Variants in HSPA9 observed in about 807,000 individuals in gnomAD.
The protein encoded by HSPA9 is heat shock protein family A (Hsp70) member 9, also known as stress-70 protein, mitochondrial.
Under a neutral mutation model 81.5 loss-of-function variants are expected in HSPA9, and 28 were observed. That is an observed-to-expected ratio of 0.34 (90% confidence interval 0.25 to 0.47). The LOEUF is 0.47. Ranked by LOEUF, HSPA9 falls within the 20% of genes least tolerant of loss-of-function variation. The pLI, the probability that HSPA9 is intolerant of heterozygous loss-of-function variation, is 1.00. For synonymous variants in HSPA9, 293 were observed against 290.4 expected (o/e 1.01, Z -0.09); for missense variants, 678 against 838.0 (o/e 0.81, Z 2.36).
intron 1 of HSPA9, chr5:138,574,886 G>A (rs902817699): frequency 4.6e-5 from 17 of 370,272 alleles, no homozygotes; most frequent in African/African-American, 3.2e-4. Flanking sequence ...TTCTGTAGAG[G>A]AGCCAAAAAT....
intron 9 of HSPA9, among the ~76,000 whole-genome samples, chr5:138,562,016 G>A (rs1299709641): frequency 6.6e-6 from 1 of 151,174 alleles, no homozygotes; most frequent in African/African-American, 2.4e-5. Context: ...TTGGCTCACT[G>A]CAACCTCCGC....
intron 10 of HSPA9, chr5:138,561,174 C>G (rs898253443): frequency 2.4e-6 from 1 of 423,814 alleles, no homozygotes; most frequent in Non-Finnish European, 4.9e-6. Flanking sequence ...TGGCCGGGGG[C>G]GGGGTATTAC....
In HSPA9 at chr5:138,557,956, G is replaced by A; in HGVS notation, c.1546C>T (p.Pro516Ser). The change falls in exon 13 of 17, where the codon CCT (proline) becomes TCT (serine). Residue 516 changes from proline to serine, a missense_variant. Transcript: ENST00000297185. ...ATGTCAAATGTAACTTCAATCTGAG[G>A]AACTCCACGAGGGGCTGGTGGAATT... ...IGIPPAPRGVPQIEVTFDIDA... is the reference protein window; with the variant it reads ...IGIPPAPRGVSQIEVTFDIDA... 6.2e-7 allele frequency: 1 copy of A among 1,611,488 alleles called. No homozygotes were observed. The highest frequency in any genetic ancestry group is 8.5e-7 in the Non-Finnish European group (1 of 1,178,828).
At chr5:138,572,471 G>A (rs1020047500) in intron 3 of HSPA9, among the ~76,000 whole-genome samples, 1 of 152,222 alleles carries the variant, frequency 6.6e-6, no homozygotes, top group Non-Finnish European at 1.5e-5. Flanking sequence ...TGCAGAGACA[G>A]ACTAGAAGTG....
rs1040898491 is a variant in HSPA9 at position 138,554,218 on chromosome 5, A to T, written c.*1819T>A. ...AACTTCTCCCTCCTAATAGAACTCAAATATATATTTTGCTTGGGCATTTGG... is the reference window on the plus strand; with the variant it reads ...AACTTCTCCCTCCTAATAGAACTCATATATATATTTTGCTTGGGCATTTGG... On this transcript the variant is annotated 3_prime_UTR_variant, in exon 17 of 17. Coordinates refer to ENST00000297185, the MANE Select transcript of HSPA9 (RefSeq NM_004134.7). 1.3e-5 allele frequency among the ~76,000 whole-genome samples: 2 copies of T among 152,142 alleles called. No individual in the cohort carries two copies. The highest frequency in any genetic ancestry group is 2.9e-5 in the Non-Finnish European group (2 of 68,032).
intron 7 of HSPA9, 144 bp downstream of exon 7, chr5:138,567,311 A>C: frequency 1.0e-6 from 1 of 995,964 alleles, no homozygotes; most frequent in Non-Finnish European, 1.5e-6. Context: ...CCAAAAGAAA[A>C]GAAAAGAATG....
intron 10 of HSPA9, chr5:138,560,921 TTGCATA>T (rs1264996882): frequency 2.5e-6 from 1 of 400,630 alleles, no homozygotes; most frequent in Non-Finnish European, 4.8e-6. Context: ...TTTTTTTTTT[TTGCATA>T]TTTCCTTAAG....
intron 15 of HSPA9, 76 bp downstream of exon 15, chr5:138,556,698 C>T: frequency 2.6e-6 from 4 of 1,559,328 alleles, no homozygotes; most frequent in Non-Finnish European, 3.5e-6. Context: ...CCTATCAAAA[C>T]CCACAGAAAA....
In HSPA9 at chr5:138,574,129, A is replaced by G; in HGVS notation, c.82-3T>C. On this transcript the variant is annotated splice_polypyrimidine_tract_variant and splice_region_variant and intron_variant, in intron 1 of 16. Coordinates refer to ENST00000297185, the MANE Select transcript of HSPA9 (RefSeq NM_004134.7). ...TGACTAAGGCCATTCCAGCTATCCT[A>G]AAAAAGAAAAAACTGACTCAGTCAC... 6.2e-7 allele frequency: 1 copy of G among 1,612,144 alleles called. No homozygotes were observed. Among genetic ancestry groups the G allele is most frequent in the Non-Finnish European group, 8.5e-7 (1 of 1,178,428 alleles).
chr5:138,560,104 G>GA lies in HSPA9; in HGVS notation c.1183-14dup. On this transcript the variant is annotated splice_polypyrimidine_tract_variant and intron_variant, in intron 10 of 16. Transcript: ENST00000297185. ...CAGTCTGCTGAACCTGAACATCAAG[G>GA]AAAAAGAACCTGTCGGCCCACACTT... 5.6e-6 allele frequency: 9 copies of GA among 1,606,756 alleles called. No homozygotes were observed. Among genetic ancestry groups the GA allele is most frequent in the Non-Finnish European group, 7.7e-6 (9 of 1,173,832 alleles).
chr5:138,566,749 C>T, intron 8 of HSPA9, 31 bp from the exon 9 acceptor site: 1 of 1,509,874 alleles, frequency 6.6e-7, no homozygotes, highest in South Asian at 1.1e-5. Context: ...ACACCAAACA[C>T]CAGCATTAGT....
chr5:138,566,188 CAAAAA>C (rs1186233815), intron 9 of HSPA9, among the ~76,000 whole-genome samples: 13 of 59,644 alleles, frequency 2.2e-4, no homozygotes, highest in Non-Finnish European at 3.1e-4. Context: ...AACTCTGTCT[CAAAAA>C]AAAAAAAAAA....
At position 138,555,760 on chromosome 5, in the gene HSPA9, A is replaced by T. The variant is rs1750506262; in HGVS notation, c.*277T>A. 2.1e-6 allele frequency: 1 copy of T among 477,844 alleles called. No individual in the cohort carries two copies. The allele number at this position is 477,844 out of a possible 1,614,324, so 29.6% of individuals were successfully genotyped here. On this transcript the variant is annotated 3_prime_UTR_variant, in exon 17 of 17. Transcript: ENST00000297185. ...TGGTCACTTCAGCATAAAATAGTTAAATCTTTATAATGATCAATTCATCCT... is the reference window on the plus strand; with the variant it reads ...TGGTCACTTCAGCATAAAATAGTTATATCTTTATAATGATCAATTCATCCT...
At chr5:138,574,745 G>C (rs1296352248) in intron 1 of HSPA9, 1 of 165,176 alleles carries the variant, frequency 6.1e-6, no homozygotes, top group Non-Finnish European at 1.3e-5. Context: ...TTTTTTTTCT[G>C]AAGTAACAAA....
chr5:138,568,457 A>C (rs1458584465), intron 5 of HSPA9, among the ~76,000 whole-genome samples: 1 of 152,178 alleles, frequency 6.6e-6, no homozygotes, highest in African/African-American at 2.4e-5. Flanking sequence ...TGGTGAGCCG[A>C]GATTGTGCCA....
chr5:138,574,056 T>TTA lies in HSPA9; in HGVS notation c.140+11_140+12insTA. On this transcript the variant is annotated intron_variant, in intron 2 of 16. Transcript: ENST00000297185. ...ATGTATTCCCTCTCAAAGGAAATGA[T>TTA]ATTATACTTACGCATAATCCCGCCT... The TTA allele has an allele frequency of 6.3e-7, 1 of 1,595,448 alleles. No homozygotes were observed. The highest frequency in any genetic ancestry group is 8.6e-7 in the Non-Finnish European group (1 of 1,163,004).
chr5:138,558,872 T>C, intron 11 of HSPA9: 2 of 520,236 alleles, frequency 3.8e-6, no homozygotes, highest in East Asian at 3.5e-5. Context: ...GCAAATGCAT[T>C]GTACAAAGAC....
At position 138,555,359 on chromosome 5, in the gene HSPA9, A is replaced by C. The variant is rs534573179; in HGVS notation, c.*678T>G. 1 of 145,100 alleles carries C rather than the reference A, an allele frequency of 6.9e-6. No individual in the cohort carries two copies. The highest frequency in any genetic ancestry group is 1.5e-5 in the Non-Finnish European group (1 of 65,876). 9.0% of individuals were successfully genotyped at this position (145,100 alleles called of 1,614,324 possible). A position where few individuals can be genotyped will look rare whatever the true frequency, so the allele number is the denominator to read the frequency against. On this transcript the variant is annotated 3_prime_UTR_variant, in exon 17 of 17. Coordinates refer to ENST00000297185, the MANE Select transcript of HSPA9 (RefSeq NM_004134.7). Reference sequence around the variant, plus strand: ...ATCAAGATGCTTTCTGTATTTATTTAAAAAAAAAAAAATTCCAGAATGGGT... The same window carrying C: ...ATCAAGATGCTTTCTGTATTTATTTCAAAAAAAAAAAATTCCAGAATGGGT...
chr5:138,557,314 G>T, intron 14 of HSPA9, 88 bp downstream of exon 14: 1 of 889,842 alleles, frequency 1.1e-6, no homozygotes, highest in Non-Finnish European at 1.9e-6. Context: ...TGGGATTACA[G>T]GAGTGAGACA....
Sources: gnomAD v4.1 joint callset for allele counts (sites outside exome capture counted in the v4.1 genomes callset) on GRCh38, gnomAD v4.1.1 for gene constraint, MANE v1.5 for transcripts, NCBI Gene and HGNC (gene_info 2026-07-23, HGNC 2026-07-21) for gene names.